Variants in IPO7 observed in about 807,000 individuals in gnomAD.
The protein encoded by IPO7 is importin 7, also known as importin-7.
In IPO7, 13 loss-of-function variants were observed where a neutral mutation model predicts 136.4. The observed-to-expected ratio is 0.10, with a 90% confidence interval of 0.06 to 0.15. The LOEUF is 0.15. Among genes scored for constraint, IPO7 ranks in the 10% least tolerant of loss-of-function variants. The probability of loss-of-function intolerance (pLI) is 1.00; values close to 1 mark genes in which losing one functional copy is unlikely to be tolerated. For synonymous variants in IPO7, 403 were observed against 404.4 expected (o/e 1.00, Z 0.04); for missense variants, 857 against 1,240.6 (o/e 0.69, Z 4.65).
chr11:9,436,660 GTTTGTTTTGTTTTGTTTGTTTTTTGTTT>G lies in IPO7; in HGVS notation c.2268+303_2268+330del, dbSNP rs1177422255. Among the ~76,000 whole-genome samples, 6 of 149,894 alleles carry G rather than the reference GTTTGTTTTGTTTTGTTTGTTTTTTGTTT, an allele frequency of 4.0e-5. No homozygotes were observed. The East Asian group carries it at 1.2e-3, about 29-fold the overall frequency. On this transcript the variant is annotated intron_variant, in intron 20 of 24. Coordinates refer to ENST00000379719, the MANE Select transcript of IPO7 (RefSeq NM_006391.3). ...ATATCCATGGTCAGTTTTTTTGTTT[GTTTGTTTTGTTTTGTTTGTTTTTTGTTT>G]TTTGTTTTTTTTGAGTGAGAGTCTT...
In IPO7 at chr11:9,446,150, C is replaced by A. The variant is rs184831886; in HGVS notation, c.*956C>A. ...GAGCATGTAAATTGGATATAAAGTT[C>A]TGCTCTTAAAGAGTTGATCTAAGAG... On this transcript the variant is annotated 3_prime_UTR_variant, in exon 25 of 25. Coordinates refer to ENST00000379719, the MANE Select transcript of IPO7 (RefSeq NM_006391.3). The A allele has an allele frequency of 6.6e-6, 1 of 152,234 alleles. No individual in the cohort carries two copies. Among genetic ancestry groups the A allele is most frequent in the Non-Finnish European group, 1.5e-5 (1 of 68,012 alleles). 9.4% of individuals were successfully genotyped at this position (152,234 alleles called of 1,614,324 possible).
intron 24 of IPO7, among the ~76,000 whole-genome samples, chr11:9,444,836 CA>C (rs1044435694): frequency 0.095 from 6,749 of 71,224 alleles, 74 homozygotes; most frequent in South Asian, 0.12. Flanking sequence ...GACTCTGTCT[CA>C]AAAAAAAAAA....
At chr11:9,390,122 C>T (rs545448353) in intron 1 of IPO7, among the ~76,000 whole-genome samples, 1 of 152,332 alleles carries the variant, frequency 6.6e-6, no homozygotes, top group Non-Finnish European at 1.5e-5. Context: ...AACTCCTGAC[C>T]TCAGGTGATC....
rs753807869 is a variant in IPO7, at chr11:9,410,060, C to T, written c.453C>T (p.Cys151=). Residue 151 remains cysteine, a synonymous_variant, in exon 4 of 25, where the codon TGC becomes TGT. Coordinates refer to ENST00000379719, the MANE Select transcript of IPO7 (RefSeq NM_006391.3). The part of the protein sequence containing the change: ...NSACWLGILL[C]LYQLVKNYEY... ...CTTGTTGGCTAGGAATTCTTCTTTGCCTTTATCAGCTTGTGAAAAATTATG... is the reference window on the plus strand; with the variant it reads ...CTTGTTGGCTAGGAATTCTTCTTTGTCTTTATCAGCTTGTGAAAAATTATG... 5.6e-6 allele frequency: 9 copies of T among 1,594,938 alleles called. No homozygotes were observed. In the Admixed American group the frequency reaches 1.4e-4, roughly 26 times the overall value.
At chr11:9,409,112 C>CA in intron 3 of IPO7, among the ~76,000 whole-genome samples, 1 of 148,624 alleles carries the variant, frequency 6.7e-6, no homozygotes, top group East Asian at 2.0e-4. Context: ...ATGCCTTAGT[C>CA]ATTTTTTTTT....
intron 15 of IPO7, 191 bp from the exon 16 acceptor site, chr11:9,430,684 C>T (rs1855281803): frequency 7.5e-6 from 4 of 531,506 alleles, no homozygotes; most frequent in Non-Finnish European, 1.3e-5. Context: ...AGTCAAGTAG[C>T]TTGTTTAAGG....
intron 6 of IPO7, among the ~76,000 whole-genome samples, chr11:9,419,558 AAATATATATAT>A (rs908666851): frequency 2.2e-5 from 3 of 133,724 alleles, no homozygotes; most frequent in Non-Finnish European, 4.7e-5. Flanking sequence ...AAAAAAAAAA[AAATATATATAT>A]ATATATATAT....
In IPO7 at chr11:9,397,361, T is replaced by TATATTA. The variant is rs1554952675; in HGVS notation, c.85-5928_85-5923dup. Among the ~76,000 whole-genome samples, 234 of 42,008 alleles carry TATATTA rather than the reference T, an allele frequency of 5.6e-3. 15 individuals are homozygous for TATATTA. The highest frequency in any genetic ancestry group is 0.045 in the East Asian group (18 of 404). 27.6% of individuals were successfully genotyped at this position (42,008 alleles called of 152,430 possible). A position where few individuals can be genotyped will look rare whatever the true frequency, so the allele number is the denominator to read the frequency against. On this transcript the variant is annotated intron_variant, in intron 1 of 24. Coordinates refer to ENST00000379719, the MANE Select transcript of IPO7 (RefSeq NM_006391.3). ...AAAAAAATATATATATATATATATA[T>TATATTA]ATATTAGTCGGGCACGGTGGCAGGT... is the stretch of plus-strand genomic sequence containing the variant.
chr11:9,411,297 T>A (rs189379632), intron 4 of IPO7, among the ~76,000 whole-genome samples: 1 of 152,342 alleles, frequency 6.6e-6, no homozygotes, highest in East Asian at 1.9e-4. Flanking sequence ...ACAAGGGATC[T>A]GTGTGGACTG....
In IPO7 at chr11:9,435,112, A is replaced by G. The variant is rs374391568; in HGVS notation, c.2172+81A>G. ...ATTGTGAAAACTCATGTGATACCACATTGTAGTAATAAACATGTAAACATG... is the reference window on the plus strand; with the variant it reads ...ATTGTGAAAACTCATGTGATACCACGTTGTAGTAATAAACATGTAAACATG... On this transcript the variant is annotated intron_variant, in intron 19 of 24. Coordinates refer to ENST00000379719, the MANE Select transcript of IPO7 (RefSeq NM_006391.3). 2,214 of 827,514 alleles carry G rather than the reference A, an allele frequency of 2.7e-3. 51 individuals are homozygous for G. The South Asian group carries it at 0.03, about 11-fold the overall frequency. The allele number at this position is 827,514 out of a possible 1,614,324, so 51.3% of individuals were successfully genotyped here.
chr11:9,445,219 T>G lies in IPO7; in HGVS notation c.*25T>G, dbSNP rs780419152. On this transcript the variant is annotated 3_prime_UTR_variant, in exon 25 of 25. Transcript: ENST00000379719. ...AGTTATCTCTTTCTTTCCTGCTGTG[T>G]GCTTGTAGTGAAGAGCTTGTGTTCC... 1.4e-6 allele frequency: 2 copies of G among 1,423,106 alleles called. No individual in the cohort carries two copies. Among genetic ancestry groups the G allele is most frequent in the Non-Finnish European group, 2.0e-6 (2 of 1,006,324 alleles). 88.2% of individuals were successfully genotyped at this position (1,423,106 alleles called of 1,614,324 possible).
chr11:9,385,241 T>C (rs1193815251), intron 1 of IPO7, among the ~76,000 whole-genome samples: 1 of 152,092 alleles, frequency 6.6e-6, no homozygotes, highest in African/African-American at 2.4e-5. Flanking sequence ...CTGAGACCAG[T>C]CTCGCCGTCG....
At chr11:9,416,642 T>G (rs945679800) in intron 5 of IPO7, among the ~76,000 whole-genome samples, 1 of 152,212 alleles carries the variant, frequency 6.6e-6, no homozygotes, top group African/African-American at 2.4e-5. Context: ...AGTAAGAAAT[T>G]AGTTTTTGTA....
At chr11:9,436,856 ATATATATATATATTTTTTTTTTTTTTTT>A (rs1855378519) in intron 20 of IPO7, among the ~76,000 whole-genome samples, 3 of 12,238 alleles carry the variant, frequency 2.5e-4, no homozygotes, top group Non-Finnish European at 4.2e-4. Flanking sequence ...ATATATATAT[ATATATATATATATTTTTTTTTTTTTTTT>A]TTTTTTTTTT....
At chr11:9,403,403 A>C (rs1396143786) in intron 2 of IPO7, 32 bp downstream of exon 2, 1 of 1,483,422 alleles carries the variant, frequency 6.7e-7, no homozygotes, top group East Asian at 2.3e-5. Context: ...GAGTGTATGT[A>C]ATCTATTGTT....
In IPO7 at chr11:9,428,590, C is replaced by T; in HGVS notation, c.1386C>T (p.Phe462=). The stretch of plus-strand genomic sequence containing the variant: ...AATACATGTTGCAGAATCATGTATT[C>T]CCTCTCTTCAGCAGTGAACTAGGCT... ...QMEYMLQNHV[F]PLFSSELGYM... Residue 462 remains phenylalanine, a synonymous_variant, in exon 13 of 25, where the codon TTC becomes TTT. Coordinates refer to ENST00000379719, the MANE Select transcript of IPO7 (RefSeq NM_006391.3). 2 of 1,581,218 alleles carry T rather than the reference C, an allele frequency of 1.3e-6. No homozygotes were observed. Among genetic ancestry groups the T allele is most frequent in the Non-Finnish European group, 1.7e-6 (2 of 1,154,004 alleles).
At chr11:9,432,234 C>T (rs998657384) in intron 16 of IPO7, among the ~76,000 whole-genome samples, 2 of 150,352 alleles carry the variant, frequency 1.3e-5, no homozygotes, top group African/African-American at 2.4e-5. Context: ...CAGAGTCTCC[C>T]TTTGTTGCCT....
chr11:9,405,243 C>G (rs10840233), intron 2 of IPO7, among the ~76,000 whole-genome samples: 67,980 of 151,796 alleles, frequency 0.45, 17,122 homozygotes, highest in Non-Finnish European at 0.57. Context: ...GGCGCGATCT[C>G]GGCTCACTGC....
At chr11:9,391,281 C>A (rs1854629712) in intron 1 of IPO7, among the ~76,000 whole-genome samples, 1 of 150,190 alleles carries the variant, frequency 6.7e-6, no homozygotes, top group Admixed American at 6.6e-5. Context: ...TGCCTGTAAT[C>A]CCAGCTACTT....
Sources: gnomAD v4.1 joint callset for allele counts (sites outside exome capture counted in the v4.1 genomes callset) on GRCh38, gnomAD v4.1.1 for gene constraint, MANE v1.5 for transcripts, NCBI Gene and HGNC (gene_info 2026-07-23, HGNC 2026-07-21) for gene names.